The following PPP1R21 variants were observed in gnomAD, a reference collection of about 807,000 sequenced individuals.
The protein encoded by PPP1R21 is KLRAQ motif containing 1.
In PPP1R21, 85 loss-of-function variants were observed where a neutral mutation model predicts 112.8. The ratio of observed to expected loss-of-function variants is 0.75; its 90% CI spans 0.63 to 0.90. The LOEUF (loss-of-function observed/expected upper bound fraction) is 0.90. Ranked by LOEUF, PPP1R21 falls within the 40% of genes least tolerant of loss-of-function variation. PPP1R21 has a pLI of 0.00. For synonymous variants in PPP1R21, 381 were observed against 322.3 expected (o/e 1.18, Z -1.95); for missense variants, 1,199 against 901.5 (o/e 1.33, Z -4.23).
chr2:48,508,515 G>T (rs945912347), intron 19 of PPP1R21, among the ~76,000 whole-genome samples: 2 of 152,204 alleles, frequency 1.3e-5, no homozygotes, highest in Non-Finnish European at 2.9e-5. Context: ...TTGATAAGCT[G>T]ATCAGTAGTG....
intron 8 of PPP1R21, among the ~76,000 whole-genome samples, chr2:48,465,265 A>C (rs1668150142): frequency 6.6e-6 from 1 of 152,178 alleles, no homozygotes; most frequent in South Asian, 2.1e-4. Context: ...GGATTGGTAG[A>C]CCTTATACTT....
chr2:48,454,832 C>T (rs1032216476), intron 3 of PPP1R21, 91 bp downstream of exon 3: 5 of 971,684 alleles, frequency 5.1e-6, no homozygotes, highest in South Asian at 2.8e-5. Context: ...ACCCCACTGC[C>T]GAATTATTTT....
chr2:48,489,114 C>T (rs1299749543), intron 14 of PPP1R21, among the ~76,000 whole-genome samples: 1 of 152,096 alleles, frequency 6.6e-6, no homozygotes, highest in Non-Finnish European at 1.5e-5. Context: ...CAATTTTTGC[C>T]AAAGTAGAAT....
At chr2:48,458,370 A>G (rs1667816563) in intron 4 of PPP1R21, 143 bp downstream of exon 4, 1 of 535,992 alleles carries the variant, frequency 1.9e-6, no homozygotes, top group Non-Finnish European at 3.5e-6. Flanking sequence ...TGTCACTGTC[A>G]CTTATTCATT....
At position 48,469,437 on chromosome 2, in the gene PPP1R21, TATATATAGAGAGAGC is replaced by T. The variant is rs1310186132; in HGVS notation, c.898-1642_898-1628del. Among the ~76,000 whole-genome samples the T allele has an allele frequency of 5.9e-4, 57 of 96,420 alleles. 4 individuals are homozygous for T. Among genetic ancestry groups the T allele is most frequent in the Non-Finnish European group, 1.0e-3 (46 of 44,560 alleles). The allele number at this position is 96,420 out of a possible 152,430, so 63.3% of individuals were successfully genotyped here. On this transcript the variant is annotated intron_variant, in intron 9 of 21. Transcript: ENST00000294952. ...AGAGCATATATATATAGAGCATATA[TATATATAGAGAGAGC>T]ATATATATATATAGAGCATATATAT...
At position 48,495,723 on chromosome 2, in the gene PPP1R21, C is replaced by T; in HGVS notation, c.1644C>T (p.Arg548=). ...SVPYEEALAN[R]RILLSSTESR... ...CTTATGAAGAAGCACTGGCAAACCG[C>T]CGCATCCTTCTCAGCTCTACTGAAA... Residue 548 remains arginine (R), a synonymous_variant, in exon 16 of 22, where the codon CGC becomes CGT. Coordinates refer to ENST00000294952, the MANE Select transcript of PPP1R21 (RefSeq NM_001135629.3). The T allele has an allele frequency of 1.9e-6, 3 of 1,612,762 alleles. No individual in the cohort carries two copies. Among genetic ancestry groups the T allele is most frequent in the Non-Finnish European group, 2.5e-6 (3 of 1,178,740 alleles).
At chr2:48,475,932 GT>G (rs989036724) in intron 12 of PPP1R21, among the ~76,000 whole-genome samples, 6 of 151,690 alleles carry the variant, frequency 4.0e-5, no homozygotes, top group African/African-American at 1.5e-4. Context: ...TGGTACTATG[GT>G]TTTTTTTAAC....
chr2:48,460,094 G>T lies in PPP1R21; in HGVS notation c.541-1G>T. The T allele has an allele frequency of 1.9e-6, 3 of 1,613,938 alleles. No homozygotes were observed. Among genetic ancestry groups the T allele is most frequent in the Non-Finnish European group, 2.5e-6 (3 of 1,179,988 alleles). The stretch of plus-strand genomic sequence containing the variant: ...GTGTTTCTTTTTCTTCTGAAATTCA[G>T]GTGAAATCTCAGACTCTAGAAAAGG... On this transcript the variant is annotated splice_acceptor_variant, in intron 5 of 21. Transcript: ENST00000294952. LOFTEE classifies it high-confidence loss of function.
At chr2:48,455,386 G>C (rs1427646014) in intron 3 of PPP1R21, among the ~76,000 whole-genome samples, 1 of 150,414 alleles carries the variant, frequency 6.6e-6, no homozygotes, top group African/African-American at 2.4e-5. Flanking sequence ...CAGGTGGTCT[G>C]CTCGCCTCAG....
At chr2:48,448,738 CACT>C (rs1667354925) in intron 1 of PPP1R21, among the ~76,000 whole-genome samples, 1 of 152,188 alleles carries the variant, frequency 6.6e-6, no homozygotes, top group Admixed American at 6.5e-5. Context: ...AAAAGTAGAA[CACT>C]ACATCATGGA....
In PPP1R21 at chr2:48,486,729, G is replaced by T. The variant is rs1385500140; in HGVS notation, c.1417G>T (p.Val473Leu). 6 of 1,613,786 alleles carry T rather than the reference G, an allele frequency of 3.7e-6. No individual in the cohort carries two copies. The South Asian group carries it at 5.5e-5, about 15-fold the overall frequency. ...ITTNDCILSSVVALTNGAGKI... is the reference protein window; with the variant it reads ...ITTNDCILSSLVALTNGAGKI... ...AACTAATGACTGTATCCTGTCATCA[G>T]TAGTGGCATTAACAAATGGAGCAGG... Residue 473 changes from valine to leucine, a missense_variant, in exon 14 of 22, where the codon GTA becomes TTA. Coordinates refer to ENST00000294952, the MANE Select transcript of PPP1R21 (RefSeq NM_001135629.3).
At chr2:48,484,907 C>A (rs928149199) in intron 13 of PPP1R21, among the ~76,000 whole-genome samples, 2 of 152,190 alleles carry the variant, frequency 1.3e-5, no homozygotes, top group African/African-American at 4.8e-5. Context: ...ACCTCAATTA[C>A]CATCAACCAA....
chr2:48,485,745 A>G (rs1160802256), intron 13 of PPP1R21, among the ~76,000 whole-genome samples: 1 of 151,266 alleles, frequency 6.6e-6, no homozygotes, highest in Non-Finnish European at 1.5e-5. Flanking sequence ...TCCATTAATT[A>G]TCTATAGTCT....
chr2:48,495,453 C>G (rs919640665), intron 15 of PPP1R21, among the ~76,000 whole-genome samples: 1 of 152,154 alleles, frequency 6.6e-6, no homozygotes, highest in Non-Finnish European at 1.5e-5. Flanking sequence ...CCGCTCGCCT[C>G]GACCTCCCAA....
At chr2:48,489,355 G>C (rs1485220027) in intron 14 of PPP1R21, among the ~76,000 whole-genome samples, 1 of 150,002 alleles carries the variant, frequency 6.7e-6, no homozygotes, top group Non-Finnish European at 1.5e-5. Context: ...TAAAAAATCA[G>C]CCACACATGA....
rs1667151526 is a variant in PPP1R21 at position 48,444,151 on chromosome 2, G to T, written c.57+3141G>T. The stretch of plus-strand genomic sequence containing the variant: ...GTCAAAGCAGATGAGAATTGCTGAG[G>T]CAAACAGATTGCTAAAAGAAAGTGT... On this transcript the variant is annotated intron_variant, in intron 1 of 21. Transcript: ENST00000294952. 1.3e-5 allele frequency among the ~76,000 whole-genome samples: 2 copies of T among 152,208 alleles called. 1 individual carries two copies. Among genetic ancestry groups the T allele is most frequent in the South Asian group, 4.1e-4 (2 of 4,832 alleles).
chr2:48,470,968 G>A, intron 9 of PPP1R21, 119 bp from the exon 10 acceptor site: 1 of 687,502 alleles, frequency 1.5e-6, no homozygotes, highest in Non-Finnish European at 2.5e-6. Context: ...GTTTGAGGCT[G>A]CAGTGAGCCA....
chr2:48,472,945 A>G (rs1314447240), intron 11 of PPP1R21, among the ~76,000 whole-genome samples: 3 of 151,034 alleles, frequency 2.0e-5, no homozygotes, highest in Admixed American at 6.6e-5. Context: ...TAAAAAAAAA[A>G]AAAAGAAAAG....
chr2:48,465,135 C>G (rs1668144669), intron 8 of PPP1R21, 146 bp downstream of exon 8: 2 of 691,300 alleles, frequency 2.9e-6, no homozygotes, highest in East Asian at 3.2e-5. Context: ...TACATTTATT[C>G]AAATGTAGCT....
Sources: gnomAD v4.1 joint callset for allele counts (sites outside exome capture counted in the v4.1 genomes callset) on GRCh38, gnomAD v4.1.1 for gene constraint, MANE v1.5 for transcripts, NCBI Gene and HGNC (gene_info 2026-07-23, HGNC 2026-07-21) for gene names.